The following MGAT4C variants were observed in gnomAD, a reference collection of about 807,000 sequenced individuals.
MGAT4C encodes MGAT4 family member C, also known as alpha-1,3-mannosyl-glycoprotein 4-beta-N-acetylglucosaminyltransferase C.
MGAT4C carries 19 observed loss-of-function variants against 40.1 expected under a neutral mutation model. The observed-to-expected ratio is 0.47, with a 90% CI of 0.33 to 0.70. The LOEUF is 0.70. Ranked by LOEUF, MGAT4C falls within the 30% of genes least tolerant of loss-of-function variation. MGAT4C has a pLI of 0.02. For synonymous variants in MGAT4C, 181 were observed against 187.1 expected, an observed-to-expected ratio of 0.97 and a Z score of 0.27; for missense variants, 491 against 563.2, an observed-to-expected ratio of 0.87 and a Z score of 1.30.
chr12:86,490,298 C>A (rs1203754695), intron 2 of MGAT4C, among the ~76,000 whole-genome samples: 1 of 151,896 alleles, frequency 6.6e-6, no homozygotes, highest in African/African-American at 2.4e-5. Context: ...AATTTTCAAC[C>A]CAGAATTTCA....
At chr12:86,200,209 A>ATT (rs1460165560) in intron 1 of MGAT4C, among the ~76,000 whole-genome samples, 1 of 130,370 alleles carries the variant, frequency 7.7e-6, no homozygotes, top group Non-Finnish European at 1.6e-5. Flanking sequence ...AGTCTTGATC[A>ATT]TTGTTGATTT....
chr12:86,356,679 G>C (rs1336898282), intron 3 of MGAT4C, among the ~76,000 whole-genome samples: 2 of 152,084 alleles, frequency 1.3e-5, no homozygotes, highest in African/African-American at 4.8e-5. Flanking sequence ...ATTATATCCC[G>C]CGTCTGGCTC....
At chr12:86,347,879 CTTTTAA>C (rs1955074969) in intron 3 of MGAT4C, among the ~76,000 whole-genome samples, 2 of 152,000 alleles carry the variant, frequency 1.3e-5, no homozygotes, top group African/African-American at 2.4e-5. Context: ...ATGTTCTGTC[CTTTTAA>C]TTTTAATTCA....
At chr12:86,811,383 C>G (rs908389009) in intron 1 of MGAT4C, among the ~76,000 whole-genome samples, 8 of 146,764 alleles carry the variant, frequency 5.5e-5, no homozygotes, top group Admixed American at 4.1e-4. Context: ...CACTCTGTCA[C>G]CCAGGCTGGA....
intron 2 of MGAT4C, among the ~76,000 whole-genome samples, chr12:86,649,717 A>G (rs759692989): frequency 5.9e-5 from 9 of 151,778 alleles, no homozygotes; most frequent in Non-Finnish European, 1.3e-4. Flanking sequence ...ATTTAAATCT[A>G]AAGGCCGTTA....
At chr12:86,172,233 C>A (rs1027081972) in intron 1 of MGAT4C, among the ~76,000 whole-genome samples, 1 of 151,772 alleles carries the variant, frequency 6.6e-6, no homozygotes, top group Non-Finnish European at 1.5e-5. Flanking sequence ...ACTCAGAAAC[C>A]AAAAAAATTA....
intron 1 of MGAT4C, among the ~76,000 whole-genome samples, chr12:86,130,323 T>C (rs1880992840): frequency 6.6e-6 from 1 of 152,060 alleles, no homozygotes; most frequent in Admixed American, 6.5e-5. Context: ...GAATATGAAA[T>C]ATAAGAAATG....
chr12:85,993,448 CA>C (rs1222187208), intron 2 of MGAT4C, among the ~76,000 whole-genome samples: 2 of 152,158 alleles, frequency 1.3e-5, no homozygotes, highest in Non-Finnish European at 2.9e-5. Context: ...GCAAGGCTTA[CA>C]AGGGATTGGG....
intron 3 of MGAT4C, among the ~76,000 whole-genome samples, chr12:86,375,351 G>C (rs923763259): frequency 2.0e-5 from 3 of 152,024 alleles, no homozygotes; most frequent in Non-Finnish European, 4.4e-5. Flanking sequence ...CTGAACTGTA[G>C]GGAAAATCAT....
intron 1 of MGAT4C, among the ~76,000 whole-genome samples, chr12:86,052,202 T>TA (rs1483113962): frequency 1.3e-5 from 2 of 151,708 alleles, no homozygotes; most frequent in African/African-American, 2.4e-5. Flanking sequence ...AATACATGTT[T>TA]AAAAAATTTC....
intron 2 of MGAT4C, among the ~76,000 whole-genome samples, chr12:86,461,540 C>A (rs1402728615): frequency 6.6e-6 from 1 of 152,082 alleles, no homozygotes; most frequent in East Asian, 1.9e-4. Flanking sequence ...CCACTGCGCC[C>A]GGCCACATCT....
intron 3 of MGAT4C, among the ~76,000 whole-genome samples, chr12:86,373,058 G>C (rs1020633695): frequency 1.3e-5 from 2 of 151,396 alleles, no homozygotes; most frequent in African/African-American, 2.4e-5. Flanking sequence ...TATAACTTCA[G>C]ATATTAATAG....
At chr12:86,828,012 T>A (rs1323040314) in intron 1 of MGAT4C, among the ~76,000 whole-genome samples, 2 of 151,196 alleles carry the variant, frequency 1.3e-5, no homozygotes, top group Non-Finnish European at 1.5e-5. Flanking sequence ...TTTCATTAGA[T>A]TAGGAATCTC....
Position 86,179,306 on chromosome 12 carries a change from C to G in MGAT4C, c.-57+76933G>C, listed in dbSNP as rs372692860. 2.0e-5 allele frequency among the ~76,000 whole-genome samples: 3 copies of G among 152,192 alleles called. No individual in the cohort carries two copies. The South Asian group carries it at 6.2e-4, about 32-fold the overall frequency. ...ATGTGGAACTGTAAGTCCAATTAAA[C>G]TTCTTTTGGTTCCCAGTTTTGGGTA... On this transcript the variant is annotated intron_variant, in intron 1 of 4. Coordinates refer to ENST00000611864, the MANE Select transcript of MGAT4C (RefSeq NM_001351288.2).
intron 1 of MGAT4C, among the ~76,000 whole-genome samples, chr12:86,769,454 T>C (rs1951587186): frequency 6.6e-6 from 1 of 152,192 alleles, no homozygotes; most frequent in Non-Finnish European, 1.5e-5. Flanking sequence ...GAAGTCAGTG[T>C]GGCGATTCCT....
At chr12:86,575,539 A>G (rs550580479) in intron 2 of MGAT4C, among the ~76,000 whole-genome samples, 2 of 151,900 alleles carry the variant, frequency 1.3e-5, no homozygotes, top group South Asian at 4.1e-4. Flanking sequence ...AAATGATTGG[A>G]TCTCATTTTT....
chr12:86,829,871 A>G (rs190853801), intron 1 of MGAT4C, among the ~76,000 whole-genome samples: 1 of 149,818 alleles, frequency 6.7e-6, no homozygotes, highest in African/African-American at 2.4e-5. Context: ...ACCCAAAGAC[A>G]GCAGTACTAG....
intron 3 of MGAT4C, among the ~76,000 whole-genome samples, chr12:86,423,102 C>T (rs1014448519): frequency 1.3e-5 from 2 of 152,032 alleles, no homozygotes; most frequent in Admixed American, 6.6e-5. Context: ...ATTTGTTTTG[C>T]AACTCTTTCT....
At chr12:86,214,716 G>A (rs1428820371) in intron 1 of MGAT4C, among the ~76,000 whole-genome samples, 4 of 152,106 alleles carry the variant, frequency 2.6e-5, no homozygotes. Flanking sequence ...ACTTCCTAAA[G>A]AGCACACCTC....
Sources: gnomAD v4.1 joint callset for allele counts (sites outside exome capture counted in the v4.1 genomes callset) on GRCh38, gnomAD v4.1.1 for gene constraint, MANE v1.5 for transcripts, NCBI Gene and HGNC (gene_info 2026-07-23, HGNC 2026-07-21) for gene names.